MAST4: variants seen among roughly 807,000 people sequenced by gnomAD.
MAST4 encodes microtubule associated serine/threonine kinase family member 4.
A neutral mutation model predicts 162.7 loss-of-function variants in MAST4; 89 were observed. The ratio of observed to expected loss-of-function variants is 0.55; its 90% CI spans 0.46 to 0.65. The LOEUF is 0.65. MAST4 is among the 30% of genes least tolerant of loss of function. The pLI, the probability that MAST4 is intolerant of heterozygous loss-of-function variation, is 0.00. For synonymous variants in MAST4, 1,479 were observed against 1,361.1 expected, an observed-to-expected ratio of 1.09 and a Z score of -1.91; for missense variants, 3,153 against 3,374.0, an observed-to-expected ratio of 0.93 and a Z score of 1.62.
intron 4 of MAST4, among the ~76,000 whole-genome samples, chr5:66,919,955 TC>T (rs1561446219): frequency 0.024 from 2,835 of 119,524 alleles, 112 homozygotes; most frequent in African/African-American, 0.075. Flanking sequence ...CTTCCTTCCT[TC>T]CTTCCTTCCT....
intron 9 of MAST4, among the ~76,000 whole-genome samples, chr5:67,102,871 C>T (rs974885204): frequency 6.6e-6 from 1 of 152,126 alleles, no homozygotes; most frequent in African/African-American, 2.4e-5. Context: ...ACGGGGTGGG[C>T]CTGGTGAGGT....
At chr5:66,804,180 C>G (rs1415974740) in intron 3 of MAST4, among the ~76,000 whole-genome samples, 1 of 152,106 alleles carries the variant, frequency 6.6e-6, no homozygotes. Context: ...CTGTAGTTTT[C>G]ATTTTTTGGA....
intron 4 of MAST4, among the ~76,000 whole-genome samples, chr5:67,049,080 C>CGTGTATATATATATATAT (rs1757854748): frequency 2.4e-5 from 2 of 82,914 alleles, no homozygotes; most frequent in Non-Finnish European, 5.0e-5. Flanking sequence ...TATATATATA[C>CGTGTATATATATATATAT]ACTACCATAC....
chr5:67,094,193 T>C, intron 6 of MAST4: 1 of 1,454,394 alleles, frequency 6.9e-7, no homozygotes, highest in Non-Finnish European at 9.4e-7. Flanking sequence ...CTTAACATTG[T>C]AGTAGTTCTG....
chr5:67,114,493 G>C, intron 12 of MAST4: 1 of 336,696 alleles, frequency 3.0e-6, no homozygotes, highest in Non-Finnish European at 5.4e-6. Context: ...TGTCCCAGAA[G>C]GGTTGCAATT....
intron 3 of MAST4, among the ~76,000 whole-genome samples, chr5:66,816,858 G>C (rs911903490): frequency 6.6e-6 from 1 of 152,128 alleles, no homozygotes; most frequent in Non-Finnish European, 1.5e-5. Context: ...CTTACTTCCA[G>C]AGATTGTGAT....
chr5:66,707,729 A>G (rs1368770151), intron 1 of MAST4, among the ~76,000 whole-genome samples: 2 of 152,140 alleles, frequency 1.3e-5, no homozygotes, highest in Non-Finnish European at 2.9e-5. Context: ...GGATGTCAAC[A>G]TGATTTTGGG....
intron 3 of MAST4, among the ~76,000 whole-genome samples, chr5:66,842,883 T>C (rs886220228): frequency 1.3e-5 from 2 of 152,218 alleles, no homozygotes; most frequent in African/African-American, 4.8e-5. Context: ...ATGTGCCTTA[T>C]ATTTAGGTTC....
chr5:66,628,245 G>C (rs1744568353), intron 1 of MAST4, among the ~76,000 whole-genome samples: 1 of 151,954 alleles, frequency 6.6e-6, no homozygotes, highest in Non-Finnish European at 1.5e-5. Context: ...TGTTGCCTAG[G>C]CTGGTCTCAA....
At chr5:67,108,238 G>A (rs555858901) in intron 10 of MAST4, among the ~76,000 whole-genome samples, 2 of 152,268 alleles carry the variant, frequency 1.3e-5, no homozygotes, top group South Asian at 2.1e-4. Flanking sequence ...AATCCAAAAT[G>A]TGTTTAGGCT....
At chr5:66,868,357 T>C (rs755375301) in intron 3 of MAST4, among the ~76,000 whole-genome samples, 6 of 152,086 alleles carry the variant, frequency 3.9e-5, no homozygotes, top group Non-Finnish European at 7.4e-5. Context: ...GTTCTAGCTA[T>C]GTGCACCTTT....
intron 1 of MAST4, among the ~76,000 whole-genome samples, chr5:66,698,226 C>G (rs1004236101): frequency 6.6e-6 from 1 of 152,022 alleles, no homozygotes; most frequent in Non-Finnish European, 1.5e-5. Flanking sequence ...TCTTAGTTCC[C>G]GCAGCTGAGT....
At chr5:66,907,506 G>C (rs986746144) in intron 4 of MAST4, among the ~76,000 whole-genome samples, 3 of 151,904 alleles carry the variant, frequency 2.0e-5, no homozygotes, top group Non-Finnish European at 2.9e-5. Flanking sequence ...TTGGATTAGG[G>C]TATTTCTAAA....
At chr5:67,000,758 G>C (rs912418131) in intron 4 of MAST4, among the ~76,000 whole-genome samples, 7 of 138,918 alleles carry the variant, frequency 5.0e-5, no homozygotes, top group African/African-American at 8.7e-5. Flanking sequence ...AAAAAAAAAG[G>C]GGGGGGGTGG....
intron 1 of MAST4, among the ~76,000 whole-genome samples, chr5:66,683,629 G>A (rs1484650652): frequency 2.0e-5 from 3 of 152,196 alleles, no homozygotes; most frequent in South Asian, 2.1e-4. Context: ...ATGTCCCTGA[G>A]CAGCCGTGCC....
chr5:66,816,788 G>A (rs1225031443), intron 3 of MAST4, among the ~76,000 whole-genome samples: 1 of 152,172 alleles, frequency 6.6e-6, no homozygotes, highest in Non-Finnish European at 1.5e-5. Flanking sequence ...GCTTCCATTA[G>A]ACTTGGGATT....
At chr5:66,893,385 T>TGG (rs1246810998) in intron 3 of MAST4, among the ~76,000 whole-genome samples, 3 of 145,644 alleles carry the variant, frequency 2.1e-5, no homozygotes, top group Non-Finnish European at 4.5e-5. Flanking sequence ...TTTTTTTTTG[T>TGG]GTGTGTGTGT....
intron 5 of MAST4, among the ~76,000 whole-genome samples, chr5:67,080,944 AT>A (rs1762524704): frequency 7.2e-6 from 1 of 138,960 alleles, no homozygotes; most frequent in Non-Finnish European, 1.5e-5. Flanking sequence ...TATATATATT[AT>A]ATAATATAAT....
intron 5 of MAST4, among the ~76,000 whole-genome samples, chr5:67,058,947 T>A (rs1181016512): frequency 6.6e-6 from 1 of 152,226 alleles, no homozygotes; most frequent in Non-Finnish European, 1.5e-5. Flanking sequence ...AACATGCATT[T>A]ATTAATCTTA....
Sources: allele counts gnomAD v4.1 joint callset (sites outside exome capture counted in the v4.1 genomes callset), GRCh38; gene constraint gnomAD v4.1.1; transcripts MANE v1.5; gene names NCBI Gene and HGNC (gene_info 2026-07-23, HGNC 2026-07-21).